Variants in ABL1 observed in about 807,000 individuals in gnomAD.
ABL1 encodes tyrosine-protein kinase ABL1.
In ABL1, 11 loss-of-function variants were observed where a neutral mutation model predicts 94.7. The observed-to-expected ratio is 0.12, with a 90% CI of 0.07 to 0.19. The LOEUF is 0.19. Among genes scored for constraint, ABL1 ranks in the 10% least tolerant of loss-of-function variants. The pLI is 1.00. For synonymous variants in ABL1, 656 were observed against 622.4 expected (o/e 1.05, Z -0.80); for missense variants, 1,082 against 1,489.4 (o/e 0.73, Z 4.50).
At chr9:130,875,726 T>C (rs530316096) in intron 7 of ABL1, among the ~76,000 whole-genome samples, 1 of 152,298 alleles carries the variant, frequency 6.6e-6, no homozygotes, top group South Asian at 2.1e-4. Context: ...GTTTCTCTTT[T>C]AGTAAGAGTG....
At chr9:130,783,001 C>T (rs755062696) in intron 1 of ABL1, among the ~76,000 whole-genome samples, 26 of 152,176 alleles carry the variant, frequency 1.7e-4, no homozygotes, top group Admixed American at 3.9e-4. Flanking sequence ...TATATACTCA[C>T]GATAGCCAAG....
At chr9:130,798,940 C>T (rs557332632) in intron 1 of ABL1, among the ~76,000 whole-genome samples, 16 of 135,292 alleles carry the variant, frequency 1.2e-4, no homozygotes, top group Non-Finnish European at 1.8e-4. Context: ...CACTGCACTC[C>T]AGCCTGGGTG....
At chr9:130,883,500 A>C (rs1465874012) in intron 10 of ABL1, among the ~76,000 whole-genome samples, 1 of 151,900 alleles carries the variant, frequency 6.6e-6, no homozygotes, top group Non-Finnish European at 1.5e-5. Context: ...CAACTCAAAA[A>C]AAAAAAAAAA....
chr9:130,803,519 A>G (rs1374908938), intron 1 of ABL1, among the ~76,000 whole-genome samples: 1 of 152,254 alleles, frequency 6.6e-6, no homozygotes, highest in East Asian at 1.9e-4. Context: ...TAAAATGGTT[A>G]TAGAGATGTA....
Position 130,862,412 on chromosome 9 carries a change from C to T in ABL1, c.550-351C>T, listed in dbSNP as rs527775044. The stretch of plus-strand genomic sequence containing the variant: ...TAGGATGACCCGTGCCGTGTGATGA[C>T]TTTAGATTGGGTGGTTGGGGAAGAC... On this transcript the variant is annotated intron_variant, in intron 3 of 10. Coordinates refer to ENST00000318560, the MANE Select transcript of ABL1 (RefSeq NM_005157.6). The surrounding 1 kb of genome is among the most constrained non-coding windows in gnomAD (Gnocchi z 5.5). Among the ~76,000 whole-genome samples, 6 of 152,206 alleles carry T rather than the reference C, an allele frequency of 3.9e-5. No homozygotes were observed. The highest frequency in any genetic ancestry group is 1.2e-4 in the African/African-American group (5 of 41,504).
intron 1 of ABL1, among the ~76,000 whole-genome samples, chr9:130,767,344 T>A (rs1354948408): frequency 2.0e-5 from 3 of 152,234 alleles, no homozygotes; most frequent in Non-Finnish European, 4.4e-5. Flanking sequence ...GTCTGACTTC[T>A]TGTTTTCTGA....
At chr9:130,874,645 A>G (rs1270870425) in intron 6 of ABL1, among the ~76,000 whole-genome samples, 3 of 152,234 alleles carry the variant, frequency 2.0e-5, no homozygotes, top group Non-Finnish European at 4.4e-5. Context: ...TCATGAGGCC[A>G]GGGAGCCCGC....
At chr9:130,865,207 C>G (rs1831134913) in intron 4 of ABL1, among the ~76,000 whole-genome samples, 1 of 152,192 alleles carries the variant, frequency 6.6e-6, no homozygotes. Flanking sequence ...TACGATCTCA[C>G]AGTTGGTAAA....
chr9:130,781,026 T>C (rs948026528), intron 1 of ABL1, among the ~76,000 whole-genome samples: 3 of 152,158 alleles, frequency 2.0e-5, no homozygotes, highest in Non-Finnish European at 4.4e-5. Context: ...TCAGCCTGTT[T>C]TGAAGTTGTG....
chr9:130,757,105 G>A (rs552702687), intron 1 of ABL1, among the ~76,000 whole-genome samples: 1 of 152,300 alleles, frequency 6.6e-6, no homozygotes, highest in Admixed American at 6.5e-5. Context: ...TATAAGTGAA[G>A]AACCTGAGGC....
At chr9:130,779,365 G>C (rs1046557209) in intron 1 of ABL1, among the ~76,000 whole-genome samples, 1 of 152,212 alleles carries the variant, frequency 6.6e-6, no homozygotes, top group Non-Finnish European at 1.5e-5. Flanking sequence ...GTTCATGATG[G>C]CAAGGTTGTT....
chr9:130,813,159 G>A (rs1830232567), intron 1 of ABL1, among the ~76,000 whole-genome samples: 1 of 151,968 alleles, frequency 6.6e-6, no homozygotes, highest in Admixed American at 6.6e-5. Context: ...AGGTTGCAGT[G>A]AGCCGAGATT....
chr9:130,782,225 A>G (rs868795474), intron 1 of ABL1, among the ~76,000 whole-genome samples: 2 of 151,672 alleles, frequency 1.3e-5, no homozygotes, highest in Non-Finnish European at 2.9e-5. Context: ...TGCCTGGCCA[A>G]TTTTTTTGTA....
At chr9:130,751,251 T>C (rs2855167) in intron 1 of ABL1, among the ~76,000 whole-genome samples, 79,158 of 148,784 alleles carry the variant, frequency 0.53, 22,917 homozygotes, top group African/African-American at 0.77. Context: ...AAGTGATTCT[T>C]CTGCCTCAAC....
At chr9:130,871,236 A>G (rs1182120032) in intron 4 of ABL1, among the ~76,000 whole-genome samples, 1 of 152,208 alleles carries the variant, frequency 6.6e-6, no homozygotes, top group Admixed American at 6.5e-5. Flanking sequence ...TTCAGTAGAC[A>G]GTAGCATTTT....
chr9:130,725,007 A>T (rs1374904624), intron 1 of ABL1: 2 of 276,530 alleles, frequency 7.2e-6, no homozygotes, highest in Non-Finnish European at 1.5e-5. Flanking sequence ...CAACGTGTGC[A>T]TCATATTGCA....
At chr9:130,879,346 C>G (rs180890112) in intron 8 of ABL1, among the ~76,000 whole-genome samples, 1 of 152,322 alleles carries the variant, frequency 6.6e-6, no homozygotes, top group East Asian at 1.9e-4. Context: ...CTCCCTCTCC[C>G]TACCTCTTAT....
chr9:130,782,657 A>G (rs1829770080), intron 1 of ABL1, among the ~76,000 whole-genome samples: 2 of 152,330 alleles, frequency 1.3e-5, no homozygotes, highest in South Asian at 4.1e-4. Context: ...GCCAAGATAT[A>G]ATGCGCTGAA....
intron 7 of ABL1, among the ~76,000 whole-genome samples, chr9:130,875,583 T>C (rs1227511546): frequency 6.6e-6 from 1 of 152,122 alleles, no homozygotes; most frequent in Non-Finnish European, 1.5e-5. Flanking sequence ...GAAGAAACCA[T>C]CCTTAGAGTT....
Sources: gnomAD v4.1 joint callset for allele counts (sites outside exome capture counted in the v4.1 genomes callset) on GRCh38, gnomAD v4.1.1 for gene constraint, Gnocchi (gnomAD v3.1) non-coding constraint, MANE v1.5 for transcripts, NCBI Gene and HGNC (gene_info 2026-07-23, HGNC 2026-07-21) for gene names.